RBM28: variants seen among roughly 807,000 people sequenced by gnomAD.
The protein encoded by RBM28 is RNA binding motif protein 28.
A neutral mutation model predicts 98.3 loss-of-function variants in RBM28; 78 were observed. That is an observed-to-expected ratio of 0.79 (90% CI 0.66 to 0.96). RBM28 has a LOEUF of 0.96. Among genes scored for constraint, RBM28 ranks in the 40% least tolerant of loss-of-function variants. The probability of loss-of-function intolerance (pLI) is 0.00; values close to 1 mark genes in which losing one functional copy is unlikely to be tolerated. For synonymous variants in RBM28, 306 were observed against 330.9 expected (o/e 0.92, Z 0.82); for missense variants, 838 against 913.0 (o/e 0.92, Z 1.06).
intron 8 of RBM28, among the ~76,000 whole-genome samples, chr7:128,334,522 G>C (rs1796555527): frequency 6.6e-6 from 1 of 152,140 alleles, no homozygotes; most frequent in Non-Finnish European, 1.5e-5. Flanking sequence ...CAACATGTCA[G>C]ACTTACTGAA....
intron 1 of RBM28, among the ~76,000 whole-genome samples, chr7:128,340,094 T>C (rs1796691808): frequency 1.3e-5 from 2 of 151,984 alleles, no homozygotes; most frequent in South Asian, 2.1e-4. Flanking sequence ...ATCCATGACA[T>C]ATGAGGCCCT....
chr7:128,327,333 C>T (rs1796375838), intron 10 of RBM28, among the ~76,000 whole-genome samples: 1 of 152,036 alleles, frequency 6.6e-6, no homozygotes, highest in African/African-American at 2.4e-5. Flanking sequence ...GGCAGATCTG[C>T]TTCTCAGAGT....
intron 11 of RBM28, 37 bp from the exon 12 acceptor site, chr7:128,324,731 T>C: frequency 1.9e-6 from 3 of 1,613,636 alleles, no homozygotes; most frequent in Non-Finnish European, 2.5e-6. Flanking sequence ...AAACACATAA[T>C]GGCCGGGCAC....
intron 18 of RBM28, 115 bp downstream of exon 18, chr7:128,313,060 G>T: frequency 9.5e-7 from 1 of 1,055,800 alleles, no homozygotes; most frequent in Non-Finnish European, 1.5e-6. Context: ...AAAAGCTACC[G>T]TCCTACACAG....
chr7:128,339,414 C>T (rs1796673856), intron 2 of RBM28, 93 bp from the exon 3 acceptor site: 1 of 1,214,858 alleles, frequency 8.2e-7, no homozygotes, highest in Non-Finnish European at 1.2e-6. Flanking sequence ...CGACAGATGG[C>T]ATTTACCACA....
intron 11 of RBM28, among the ~76,000 whole-genome samples, chr7:128,325,482 T>C (rs1309551512): frequency 6.6e-6 from 1 of 152,218 alleles, no homozygotes; most frequent in Non-Finnish European, 1.5e-5. Context: ...TCTACTCTAC[T>C]TCACAGACGA....
intron 5 of RBM28, among the ~76,000 whole-genome samples, chr7:128,337,703 A>T (rs1172807845): frequency 6.6e-6 from 1 of 151,866 alleles, no homozygotes; most frequent in African/African-American, 2.4e-5. Context: ...GATTACAAGC[A>T]TGCACCACCA....
At chr7:128,337,280 A>G in intron 5 of RBM28, 78 bp from the exon 6 acceptor site, 1 of 1,405,498 alleles carries the variant, frequency 7.1e-7, no homozygotes, top group Non-Finnish European at 1.0e-6. Context: ...TAGTCATCAC[A>G]GACAATAATG....
intron 13 of RBM28, 117 bp from the exon 14 acceptor site, chr7:128,321,541 G>A (rs1796234809): frequency 7.8e-7 from 1 of 1,282,718 alleles, no homozygotes; most frequent in Non-Finnish European, 1.1e-6. Flanking sequence ...ATAGAAAACG[G>A]ATGGAAACTG....
At chr7:128,323,378 T>C (rs889722490) in intron 13 of RBM28, 149 bp downstream of exon 13, 7 of 868,918 alleles carry the variant, frequency 8.1e-6, no homozygotes, top group African/African-American at 4.9e-5. Flanking sequence ...ACTTGCTATT[T>C]CACCTATGTG....
At chr7:128,337,243 A>G (rs1335583752) in intron 5 of RBM28, 41 bp from the exon 6 acceptor site, 4 of 1,602,252 alleles carry the variant, frequency 2.5e-6, no homozygotes, top group Non-Finnish European at 3.4e-6. Context: ...CTCTCCTTTT[A>G]AAAACCCTAC....
In RBM28 at chr7:128,310,049, A is replaced by T. The variant is rs1795947831; in HGVS notation, c.*748T>A. 1 of 152,402 alleles carries T rather than the reference A, an allele frequency of 6.6e-6. No homozygotes were observed. The highest frequency in any genetic ancestry group is 2.1e-4 in the South Asian group (1 of 4,842). The allele number at this position is 152,402 out of a possible 1,614,324, so 9.4% of individuals were successfully genotyped here. On this transcript the variant is annotated 3_prime_UTR_variant, in exon 19 of 19. Transcript: ENST00000223073. ...TAAGGGGCAGACTTAATGAGGATCAAGTGTCCTCATTAAGGAGGACTTAGA... is the reference window on the plus strand; with the variant it reads ...TAAGGGGCAGACTTAATGAGGATCATGTGTCCTCATTAAGGAGGACTTAGA...
chr7:128,336,068 G>T, intron 6 of RBM28, 26 bp from the exon 7 acceptor site: 1 of 1,576,364 alleles, frequency 6.3e-7, no homozygotes, highest in Non-Finnish European at 8.7e-7. Context: ...AAGAAAGGAG[G>T]AATTCATTTA....
rs367559653 is a variant in RBM28, at chr7:128,313,172, C to T, written c.2145+3G>A. On this transcript the variant is annotated splice_donor_region_variant and intron_variant, in intron 18 of 18. Transcript: ENST00000223073. The stretch of plus-strand genomic sequence containing the variant: ...CCAAAGCTGTATGTCCTGCAGAACT[C>T]ACCTGCTCGGACGATAATTGCTGCT... 39 of 1,612,754 alleles carry T rather than the reference C, an allele frequency of 2.4e-5. No homozygotes were observed. The highest frequency in any genetic ancestry group is 3.1e-5 in the Non-Finnish European group (36 of 1,178,844).
At chr7:128,324,505 G>A in intron 12 of RBM28, 54 bp downstream of exon 12, 34 of 1,611,900 alleles carry the variant, frequency 2.1e-5, no homozygotes, top group Non-Finnish European at 2.9e-5. Context: ...CTTGATCAAT[G>A]ATTATGGCAC....
In RBM28 at chr7:128,338,238, T is replaced by A; in HGVS notation, c.541+12A>T. 6.2e-7 allele frequency: 1 copy of A among 1,603,694 alleles called. No individual in the cohort carries two copies. Among genetic ancestry groups the A allele is most frequent in the Non-Finnish European group, 8.5e-7 (1 of 1,170,422 alleles). On this transcript the variant is annotated intron_variant, in intron 5 of 18. Transcript: ENST00000223073. ...AATATCTGGGTCAATGATATGGGTA[T>A]AGAAAGCTTACCTTTTATCTCTTTC...
At position 128,335,668 on chromosome 7, in the gene RBM28, C is replaced by G. The variant is rs1796581167; in HGVS notation, c.821G>C (p.Arg274Thr). Residue 274 changes from arginine (R) to threonine (T), a missense_variant, in exon 8 of 19, where the codon AGA becomes ACA. Transcript: ENST00000223073. ...ATCACTGCTTTTTGCAGGGGCTGGTCTCTTGACTGCTCTGCAATGGCACAG... is the reference window on the plus strand; with the variant it reads ...ATCACTGCTTTTTGCAGGGGCTGGTGTCTTGACTGCTCTGCAATGGCACAG... ...PVQIQKRAVKRPAPAKSSDHS... is the reference protein window; with the variant it reads ...PVQIQKRAVKTPAPAKSSDHS... The G allele has an allele frequency of 6.2e-7, 1 of 1,614,080 alleles. No homozygotes were observed. The highest frequency in any genetic ancestry group is 1.3e-5 in the African/African-American group (1 of 74,932).
At chr7:128,339,146 T>C (rs1283317366) in intron 3 of RBM28, 81 bp downstream of exon 3, 8 of 1,225,958 alleles carry the variant, frequency 6.5e-6, no homozygotes, top group Non-Finnish European at 9.7e-6. Flanking sequence ...TATACCATCT[T>C]GGTGAGGAGT....
At chr7:128,330,530 C>T (rs575952906) in intron 10 of RBM28, among the ~76,000 whole-genome samples, 6 of 151,994 alleles carry the variant, frequency 3.9e-5, no homozygotes, top group African/African-American at 1.2e-4. Flanking sequence ...TACAGGTGCA[C>T]GCTGCTAATT....
Sources: gnomAD v4.1 joint callset for allele counts (sites outside exome capture counted in the v4.1 genomes callset) on GRCh38, gnomAD v4.1.1 for gene constraint, MANE v1.5 for transcripts, NCBI Gene and HGNC (gene_info 2026-07-23, HGNC 2026-07-21) for gene names.